Variants in GRID2IP observed in about 807,000 individuals in gnomAD.
The protein encoded by GRID2IP is delphilin.
In GRID2IP, 78 loss-of-function variants were observed where a neutral mutation model predicts 114.3. The observed-to-expected ratio is 0.68, with a 90% confidence interval of 0.57 to 0.82. The LOEUF (loss-of-function observed/expected upper bound fraction) is 0.82, where lower values mean the gene tolerates loss of function less well. GRID2IP is among the 40% of genes least tolerant of loss of function. The pLI, the probability that GRID2IP is intolerant of heterozygous loss-of-function variation, is 0.00. For synonymous variants in GRID2IP, 809 were observed against 724.0 expected (o/e 1.12, Z -1.89); for missense variants, 1,727 against 1,678.5 (o/e 1.03, Z -0.51).
intron 20 of GRID2IP, among the ~76,000 whole-genome samples, chr7:6,498,572 CTT>C (rs34146767): frequency 7.3e-5 from 5 of 68,138 alleles, no homozygotes; most frequent in African/African-American, 2.2e-4. Flanking sequence ...CTAGGCCTTA[CTT>C]TTTTTTTTTT....
intron 2 of GRID2IP, among the ~76,000 whole-genome samples, chr7:6,538,830 C>T (rs536503554): frequency 5.8e-4 from 87 of 151,184 alleles, no homozygotes; most frequent in African/African-American, 1.6e-3. Context: ...GCCGAGATCA[C>T]GCCACTGCAC....
intron 4 of GRID2IP, among the ~76,000 whole-genome samples, chr7:6,524,580 G>A (rs2115077050): frequency 6.6e-6 from 1 of 152,230 alleles, no homozygotes; most frequent in East Asian, 2.0e-4. Context: ...CCATGGTTGG[G>A]CATGGTGGCT....
chr7:6,510,565 C>T (rs1328425451), intron 10 of GRID2IP, 44 bp downstream of exon 10: 3 of 1,440,286 alleles, frequency 2.1e-6, no homozygotes, highest in Admixed American at 2.6e-5. Context: ...CCGTCCATTC[C>T]CTGCCCCCTA....
At chr7:6,550,374 T>G (rs970838188) in intron 1 of GRID2IP, among the ~76,000 whole-genome samples, 1 of 152,150 alleles carries the variant, frequency 6.6e-6, no homozygotes, top group African/African-American at 2.4e-5. Context: ...CATTATATTT[T>G]TATCTATATC....
chr7:6,526,751 C>G lies in GRID2IP; in HGVS notation c.603G>C (p.Lys201Asn). Residue 201 changes from lysine to asparagine, a missense_variant, in exon 3 of 22, where the codon AAG (lysine) becomes AAC (asparagine). Lys to Asn is a moderately conservative substitution (Grantham distance 94). Coordinates refer to ENST00000457091, the MANE Select transcript of GRID2IP (RefSeq NM_001145118.2). This position sits in a 1 kb window ranked among gnomAD's most constrained non-coding sequence, Gnocchi z 7.6. Reference protein sequence around the residue: ...LDNLRIFIPKKHRARFDEVVS... With the variant: ...LDNLRIFIPKNHRARFDEVVS... ...CCACCTCGTCGAAGCGCGCCCGGTG[C>G]TTCTTGGGGATGAAGATCCTGCCGG... The G allele has an allele frequency of 2.0e-6, 3 of 1,523,398 alleles. No homozygotes were observed. The highest frequency in any genetic ancestry group is 2.6e-6 in the Non-Finnish European group (3 of 1,135,500). The allele number at this position is 1,523,398 out of a possible 1,614,324, so 94.4% of individuals were successfully genotyped here.
intron 8 of GRID2IP, among the ~76,000 whole-genome samples, chr7:6,512,524 TC>T (rs1212194422): frequency 4.0e-5 from 6 of 151,580 alleles, no homozygotes; most frequent in African/African-American, 1.5e-4. Flanking sequence ...ATTTTTTTTT[TC>T]TTTGAGATGG....
At position 6,506,274 on chromosome 7, in the gene GRID2IP, G is replaced by A. The variant is rs1447327896; in HGVS notation, c.2545-367C>T. On this transcript the variant is annotated intron_variant, in intron 13 of 21. Coordinates refer to ENST00000457091, the MANE Select transcript of GRID2IP (RefSeq NM_001145118.2). This position sits in a 1 kb window ranked among gnomAD's most constrained non-coding sequence, Gnocchi z 5.2. ...TCATCAGGTCTCCTTGGAGAGCGGTGAGTTCACCAGGGCTGCCCTGGGCAG... is the reference window on the plus strand; with the variant it reads ...TCATCAGGTCTCCTTGGAGAGCGGTAAGTTCACCAGGGCTGCCCTGGGCAG... Among the ~76,000 whole-genome samples, 1 of 152,238 alleles carries A rather than the reference G, an allele frequency of 6.6e-6. No individual in the cohort carries two copies. Among genetic ancestry groups the A allele is most frequent in the African/African-American group, 2.4e-5 (1 of 41,468 alleles).
At chr7:6,510,778 C>A in intron 9 of GRID2IP, 72 bp from the exon 10 acceptor site, 2 of 1,482,708 alleles carry the variant, frequency 1.3e-6, no homozygotes, top group Non-Finnish European at 1.8e-6. Context: ...CAACATGCCC[C>A]GCAGACCCAG....
At chr7:6,515,188 G>A (rs549635042) in intron 7 of GRID2IP, among the ~76,000 whole-genome samples, 8 of 151,236 alleles carry the variant, frequency 5.3e-5, no homozygotes, top group East Asian at 4.0e-4. Context: ...CAGGCCTGGC[G>A]TGGCGGCTCA....
intron 10 of GRID2IP, 76 bp downstream of exon 10, chr7:6,510,533 C>G: frequency 7.5e-7 from 1 of 1,334,032 alleles, no homozygotes; most frequent in South Asian, 1.5e-5. Flanking sequence ...TGGCCTGGGT[C>G]TCCTGGGCCC....
rs552269118 is a variant in GRID2IP at position 6,508,759 on chromosome 7, G to A, written c.2127+199C>T. Among the ~76,000 whole-genome samples, 5 of 152,286 alleles carry A rather than the reference G, an allele frequency of 3.3e-5. No individual in the cohort carries two copies. In the East Asian group the frequency reaches 9.7e-4, roughly 29 times the overall value. ...CGACAGGGAATATGGGCTAGCCTCA[G>A]TCAAGGAGCATGATAACCTTGAACA... On this transcript the variant is annotated intron_variant, in intron 12 of 21. Transcript: ENST00000457091. This position sits in a 1 kb window ranked among gnomAD's most constrained non-coding sequence, Gnocchi z 5.6.
intron 14 of GRID2IP, among the ~76,000 whole-genome samples, chr7:6,505,597 G>C (rs1786554205): frequency 6.6e-6 from 1 of 152,140 alleles, no homozygotes; most frequent in South Asian, 2.1e-4. Context: ...TCGAACCCCT[G>C]AGCTCAGGCG....
At chr7:6,531,560 C>T (rs948259453) in intron 2 of GRID2IP, among the ~76,000 whole-genome samples, 29 of 152,336 alleles carry the variant, frequency 1.9e-4, no homozygotes, top group African/African-American at 7.0e-4. Flanking sequence ...CAGCAGGAGT[C>T]GGCCGGCTAG....
chr7:6,548,291 T>C (rs1335017575), intron 1 of GRID2IP, among the ~76,000 whole-genome samples: 1 of 151,864 alleles, frequency 6.6e-6, no homozygotes, highest in African/African-American at 2.4e-5. Flanking sequence ...AGGCGGAGGT[T>C]GCAGTGAGCC....
chr7:6,510,775 C>A, intron 9 of GRID2IP, 69 bp from the exon 10 acceptor site: 2 of 1,480,210 alleles, frequency 1.4e-6, no homozygotes, highest in East Asian at 2.5e-5. Context: ...AACCAACATG[C>A]CCCGCAGACC....
In GRID2IP at chr7:6,551,041, C is replaced by T. The variant is rs1356046191; in HGVS notation, c.396G>A (p.Glu132=). 1 of 1,295,398 alleles carries T rather than the reference C, an allele frequency of 7.7e-7. No individual in the cohort carries two copies. The highest frequency in any genetic ancestry group is 9.8e-7 in the Non-Finnish European group (1 of 1,024,472). The allele number at this position is 1,295,398 out of a possible 1,614,324, so 80.2% of individuals were successfully genotyped here. The change falls in exon 1 of 22, where the codon GAG becomes GAA. Residue 132 remains glutamate, a synonymous_variant. Transcript: ENST00000457091. The part of the protein sequence containing the change: ...GRKRPDAVHR[E]RRRKAQEFSR... ...TGAACTCTTGGGCCTTGCGCCTGCG[C>T]TCTCGGTGCACCGCGTCCGGGCGCT...
Position 6,534,634 on chromosome 7 carries a change from C to T in GRID2IP, c.584+5084G>A, listed in dbSNP as rs905546137. Among the ~76,000 whole-genome samples, 1 of 152,188 alleles carries T rather than the reference C, an allele frequency of 6.6e-6. No homozygotes were observed. The highest frequency in any genetic ancestry group is 2.4e-5 in the African/African-American group (1 of 41,450). ...GTAGCCGCTAGCCATATGTCACTGTCACTGTTGTGTGCTTGGAATGTGGCT... is the reference window on the plus strand; with the variant it reads ...GTAGCCGCTAGCCATATGTCACTGTTACTGTTGTGTGCTTGGAATGTGGCT... On this transcript the variant is annotated intron_variant, in intron 2 of 21. Transcript: ENST00000457091. This position sits in a 1 kb window ranked among gnomAD's most constrained non-coding sequence, Gnocchi z 4.5.
Position 6,509,114 on chromosome 7 carries a change from G to GGGGGGGGGGGGC in GRID2IP, c.1970_1971insGCCCCCCCCCCC (p.Asp657delinsGluProProProPro). Reference sequence around the variant, plus strand: ...TCCTGCGGCTGGGCGGGCGGGTGGGGTCCGGGCTTGGGGGGCTGTCGGGGC... The same window carrying GGGGGGGGGGGGC: ...TCCTGCGGCTGGGCGGGCGGGTGGGGGGGGGGGGGGGCTCCGGGCTTGGGGGGCTGTCGGGGC... On this transcript the variant is annotated protein_altering_variant, in exon 12 of 22. Coordinates refer to ENST00000457091, the MANE Select transcript of GRID2IP (RefSeq NM_001145118.2). This position sits in a 1 kb window ranked among gnomAD's most constrained non-coding sequence, Gnocchi z 4.9. The GGGGGGGGGGGGC allele has an allele frequency of 8.9e-7, 1 of 1,119,858 alleles. No homozygotes were observed. The highest frequency in any genetic ancestry group is 1.3e-6 in the Non-Finnish European group (1 of 787,284). 69.4% of individuals were successfully genotyped at this position (1,119,858 alleles called of 1,614,324 possible). A position where few individuals can be genotyped will look rare whatever the true frequency, so the allele number is the denominator to read the frequency against.
chr7:6,550,794 C>G (rs529169579), intron 1 of GRID2IP, among the ~76,000 whole-genome samples: 109 of 151,942 alleles, frequency 7.2e-4, no homozygotes, highest in Non-Finnish European at 1.3e-3. Flanking sequence ...GGCCACTGCA[C>G]TCCAGCTTGG....
Sources: gnomAD v4.1 joint callset for allele counts (sites outside exome capture counted in the v4.1 genomes callset) on GRCh38, gnomAD v4.1.1 for gene constraint, Gnocchi (gnomAD v3.1) non-coding constraint, MANE v1.5 for transcripts, NCBI Gene and HGNC (gene_info 2026-07-23, HGNC 2026-07-21) for gene names.